Variants in MACROD2 observed in about 807,000 individuals in gnomAD.
MACROD2 encodes mono-ADP ribosylhydrolase 2, also known as ADP-ribose glycohydrolase MACROD2.
MACROD2 carries 36 observed loss-of-function variants against 70.4 expected under a neutral mutation model. The ratio of observed to expected loss-of-function variants is 0.51; its 90% confidence interval spans 0.39 to 0.68. The LOEUF (loss-of-function observed/expected upper bound fraction) is 0.68. Ranked by LOEUF, MACROD2 falls within the 30% of genes least tolerant of loss-of-function variation. MACROD2 has a pLI of 0.00. For synonymous variants in MACROD2, 172 were observed against 178.8 expected (o/e 0.96, Z 0.30); for missense variants, 496 against 538.4 (o/e 0.92, Z 0.78).
intron 3 of MACROD2, among the ~76,000 whole-genome samples, chr20:14,208,031 G>C (rs968165598): frequency 1.3e-5 from 2 of 152,142 alleles, no homozygotes; most frequent in Non-Finnish European, 2.9e-5. Flanking sequence ...TTCTCTGTTG[G>C]AAATTGATAT....
intron 8 of MACROD2, among the ~76,000 whole-genome samples, chr20:15,801,264 C>T (rs2063723641): frequency 6.8e-6 from 1 of 146,802 alleles, no homozygotes. Context: ...GTTGAAGAAA[C>T]AGCAGAAACA....
intron 5 of MACROD2, among the ~76,000 whole-genome samples, chr20:14,956,433 A>G (rs1241074422): frequency 6.6e-6 from 1 of 152,208 alleles, no homozygotes; most frequent in Admixed American, 6.5e-5. Context: ...ATAAGTGGCA[A>G]AGATAAAATA....
chr20:15,601,757 G>A (rs2048823191), intron 8 of MACROD2, among the ~76,000 whole-genome samples: 1 of 152,200 alleles, frequency 6.6e-6, no homozygotes, highest in Non-Finnish European at 1.5e-5. Flanking sequence ...GGCCAGGTGT[G>A]GTGGCTCACG....
At chr20:15,289,819 G>A (rs1274362220) in intron 6 of MACROD2, among the ~76,000 whole-genome samples, 1 of 152,176 alleles carries the variant, frequency 6.6e-6, no homozygotes, top group Non-Finnish European at 1.5e-5. Flanking sequence ...TTCATTGAGT[G>A]CCTGCTGTGT....
chr20:14,685,146 TATAC>T lies in MACROD2; in HGVS notation c.418+191_418+194del, dbSNP rs1600538317. On this transcript the variant is annotated intron_variant, in intron 5 of 17. Coordinates refer to ENST00000684519, the MANE Select transcript of MACROD2 (RefSeq NM_001351661.2). Reference sequence around the variant, plus strand: ...TCCAAATATATACATATATATAAAATATACATATACTGTGTATATTATATATATA... The same window carrying T: ...TCCAAATATATACATATATATAAAATATATACTGTGTATATTATATATATA... 4.6e-5 allele frequency: 15 copies of T among 325,510 alleles called. No homozygotes were observed. The East Asian group carries it at 8.4e-4, about 18-fold the overall frequency. The allele number at this position is 325,510 out of a possible 1,614,324, so 20.2% of individuals were successfully genotyped here.
intron 15 of MACROD2, among the ~76,000 whole-genome samples, chr20:15,989,797 G>A (rs1396909698): frequency 1.3e-5 from 2 of 150,032 alleles, no homozygotes; most frequent in East Asian, 3.9e-4. Context: ...TTTATTTTAA[G>A]ACTCCTTTTA....
chr20:14,687,050 T>C (rs867738000), intron 5 of MACROD2, among the ~76,000 whole-genome samples: 25 of 152,170 alleles, frequency 1.6e-4, no homozygotes, highest in African/African-American at 6.0e-4. Context: ...TTTTTACAAA[T>C]ATTGGTTCTT....
At chr20:14,850,208 A>G (rs2073185721) in intron 5 of MACROD2, 4 of 297,108 alleles carry the variant, frequency 1.3e-5, no homozygotes, top group Non-Finnish European at 2.7e-5. Flanking sequence ...TAAGACTGGA[A>G]GATGAACATC....
In MACROD2 at chr20:15,898,598, T is replaced by A. The variant is rs73597703; in HGVS notation, c.775+12787T>A. 3.9e-3 allele frequency among the ~76,000 whole-genome samples: 584 copies of A among 149,146 alleles called. 2 individuals are homozygous for A. The highest frequency in any genetic ancestry group is 0.024 in the South Asian group (112 of 4,626). On this transcript the variant is annotated intron_variant, in intron 10 of 17. Coordinates refer to ENST00000684519, the MANE Select transcript of MACROD2 (RefSeq NM_001351661.2). ...AATTCTAGGTTCACGTCCCAGACCTTCTGAATCAGAAACCTGAAGTGGGGT... is the reference window on the plus strand; with the variant it reads ...AATTCTAGGTTCACGTCCCAGACCTACTGAATCAGAAACCTGAAGTGGGGT...
chr20:14,791,585 T>C (rs776865358), intron 5 of MACROD2, among the ~76,000 whole-genome samples: 3 of 152,054 alleles, frequency 2.0e-5, no homozygotes, highest in Non-Finnish European at 4.4e-5. Flanking sequence ...ACAAAATAGC[T>C]ATAAAATTTT....
intron 6 of MACROD2, among the ~76,000 whole-genome samples, chr20:15,236,718 G>A (rs1398822254): frequency 6.6e-6 from 1 of 152,132 alleles, no homozygotes; most frequent in Non-Finnish European, 1.5e-5. Flanking sequence ...GCATTATGTT[G>A]ACGACCGTAA....
At chr20:14,924,863 G>A (rs929402044) in intron 5 of MACROD2, among the ~76,000 whole-genome samples, 3 of 152,038 alleles carry the variant, frequency 2.0e-5, no homozygotes, top group African/African-American at 7.2e-5. Flanking sequence ...TAAAAACATG[G>A]AAAGGGCTGA....
At chr20:15,656,371 A>G (rs2049730764) in intron 8 of MACROD2, among the ~76,000 whole-genome samples, 4 of 152,224 alleles carry the variant, frequency 2.6e-5, no homozygotes, top group Admixed American at 2.6e-4. Flanking sequence ...TGTACCAGCT[A>G]TAAAATGTGT....
At chr20:14,334,940 T>A (rs1397994657) in intron 3 of MACROD2, among the ~76,000 whole-genome samples, 2 of 152,110 alleles carry the variant, frequency 1.3e-5, no homozygotes, top group African/African-American at 4.8e-5. Flanking sequence ...GCATAGAAGT[T>A]AAGAAATGAC....
intron 8 of MACROD2, among the ~76,000 whole-genome samples, chr20:15,759,391 A>G (rs981685139): frequency 7.9e-5 from 12 of 152,188 alleles, no homozygotes; most frequent in Non-Finnish European, 1.5e-4. Context: ...ACTCCAATGC[A>G]CAAATGCCTG....
intron 10 of MACROD2, among the ~76,000 whole-genome samples, chr20:15,925,140 G>A (rs890181517): frequency 6.6e-6 from 1 of 152,116 alleles, no homozygotes; most frequent in Non-Finnish European, 1.5e-5. Flanking sequence ...ATCAATTTGC[G>A]AGCACAGAAC....
intron 5 of MACROD2, among the ~76,000 whole-genome samples, chr20:15,151,118 G>T (rs1354391510): frequency 1.3e-5 from 2 of 152,100 alleles, no homozygotes; most frequent in East Asian, 1.9e-4. Context: ...GAAGATCTGG[G>T]AAGGAGTCAG....
chr20:15,000,205 A>G (rs1035386644), intron 5 of MACROD2, among the ~76,000 whole-genome samples: 15 of 152,274 alleles, frequency 9.9e-5, no homozygotes, highest in East Asian at 1.9e-4. Flanking sequence ...TCTACATTAA[A>G]TTTTTTTTAT....
intron 5 of MACROD2, among the ~76,000 whole-genome samples, chr20:15,070,817 C>A (rs1256960308): frequency 6.6e-6 from 1 of 151,668 alleles, no homozygotes; most frequent in Non-Finnish European, 1.5e-5. Context: ...TCCTTTATGG[C>A]AACTCAAAAC....
Sources: gnomAD v4.1 joint callset for allele counts (sites outside exome capture counted in the v4.1 genomes callset) on GRCh38, gnomAD v4.1.1 for gene constraint, MANE v1.5 for transcripts, NCBI Gene and HGNC (gene_info 2026-07-23, HGNC 2026-07-21) for gene names.